B3GALT1: variants seen among roughly 807,000 people sequenced by gnomAD.
B3GALT1 encodes beta-1,3-galactosyltransferase 1, also known as UDP-Gal:betaGlcNAc beta 1,3-galactosyltransferase, polypeptide 1.
Under a neutral mutation model 23.2 loss-of-function variants are expected in B3GALT1, and 10 were observed. The observed-to-expected ratio is 0.43, with a 90% CI of 0.27 to 0.73. The LOEUF (loss-of-function observed/expected upper bound fraction) is 0.73, where lower values mean the gene tolerates loss of function less well. Among genes scored for constraint, B3GALT1 ranks in the 30% least tolerant of loss-of-function variants. B3GALT1 has a pLI of 0.21. For missense variants in B3GALT1, 299 were observed against 405.4 expected (o/e 0.74, Z 2.25); for synonymous variants, 156 against 141.5 (o/e 1.10, Z -0.73).
chr2:167,590,003 C>T (rs1024437622), intron 2 of B3GALT1, among the ~76,000 whole-genome samples: 4 of 152,020 alleles, frequency 2.6e-5, no homozygotes, highest in Admixed American at 2.0e-4. Flanking sequence ...CTTTGAAAAT[C>T]TTTTGTATTG....
intron 3 of B3GALT1, among the ~76,000 whole-genome samples, chr2:167,737,536 T>G (rs28561578): frequency 0.33 from 50,010 of 152,114 alleles, 8,589 homozygotes; most frequent in Non-Finnish European, 0.39. Flanking sequence ...GCAACTTAAA[T>G]GGTGAAGGGC....
intron 1 of B3GALT1, among the ~76,000 whole-genome samples, chr2:167,359,101 AG>A (rs1697460812): frequency 6.6e-6 from 1 of 152,168 alleles, no homozygotes; most frequent in Non-Finnish European, 1.5e-5. Flanking sequence ...CGCCTGGCCA[AG>A]CAAAAGTTAT....
At chr2:167,813,611 G>A (rs1298241118) in intron 3 of B3GALT1, among the ~76,000 whole-genome samples, 4 of 152,168 alleles carry the variant, frequency 2.6e-5, no homozygotes, top group African/African-American at 7.2e-5. Flanking sequence ...AGGATGTAGG[G>A]TGCAAAGCTG....
At chr2:167,861,816 A>G (rs932842669) in intron 4 of B3GALT1, among the ~76,000 whole-genome samples, 7 of 152,146 alleles carry the variant, frequency 4.6e-5, no homozygotes, top group Non-Finnish European at 1.0e-4. Context: ...TTCCAAATCT[A>G]CTTCATTTGT....
chr2:167,438,377 C>T (rs1261572833), intron 1 of B3GALT1, among the ~76,000 whole-genome samples: 1 of 152,192 alleles, frequency 6.6e-6, no homozygotes, highest in Admixed American at 6.5e-5. Context: ...GGAAGTGACT[C>T]ATGTCAGCTC....
chr2:167,339,609 T>C (rs1360570624), intron 1 of B3GALT1, among the ~76,000 whole-genome samples: 1 of 152,156 alleles, frequency 6.6e-6, no homozygotes, highest in Non-Finnish European at 1.5e-5. Flanking sequence ...GATGATACAT[T>C]GGTGTTTGAC....
At chr2:167,341,271 T>G (rs73017753) in intron 1 of B3GALT1, among the ~76,000 whole-genome samples, 2,507 of 152,214 alleles carry the variant, frequency 0.016, 58 homozygotes, top group East Asian at 0.083. Flanking sequence ...GAGATGTGAG[T>G]GTATTAAGAT....
At chr2:167,485,861 G>T (rs998104800) in intron 1 of B3GALT1, among the ~76,000 whole-genome samples, 14 of 152,134 alleles carry the variant, frequency 9.2e-5, no homozygotes, top group African/African-American at 3.4e-4. Flanking sequence ...AGTTATAGCT[G>T]CTTAAAATTT....
At chr2:167,516,507 A>G (rs1025481573) in intron 2 of B3GALT1, among the ~76,000 whole-genome samples, 17 of 152,136 alleles carry the variant, frequency 1.1e-4, no homozygotes, top group African/African-American at 3.9e-4. Flanking sequence ...TTCTAGCTCA[A>G]TAGTTAGTTG....
chr2:167,426,765 C>T (rs1038586423), intron 1 of B3GALT1, among the ~76,000 whole-genome samples: 1 of 152,066 alleles, frequency 6.6e-6, no homozygotes, highest in Non-Finnish European at 1.5e-5. Context: ...CATGCACTGC[C>T]GATAAGTGTA....
At chr2:167,529,496 C>G (rs142306640) in intron 2 of B3GALT1, among the ~76,000 whole-genome samples, 27 of 149,338 alleles carry the variant, frequency 1.8e-4, no homozygotes, top group Non-Finnish European at 3.6e-4. Context: ...GTCTGAGCTA[C>G]TGAAAGGCGG....
At chr2:167,568,613 A>G (rs764130195) in intron 2 of B3GALT1, among the ~76,000 whole-genome samples, 9 of 151,984 alleles carry the variant, frequency 5.9e-5, no homozygotes, top group Non-Finnish European at 8.8e-5. Flanking sequence ...TTTTTAATAT[A>G]TATTTTAGAT....
intron 3 of B3GALT1, among the ~76,000 whole-genome samples, chr2:167,721,044 A>ATC (rs774312004): frequency 1.2e-4 from 18 of 150,668 alleles, no homozygotes; most frequent in South Asian, 4.2e-4. Flanking sequence ...TCTCTCCCCC[A>ATC]TCTCTCTCTG....
intron 3 of B3GALT1, among the ~76,000 whole-genome samples, chr2:167,685,976 T>C (rs967054804): frequency 6.6e-6 from 1 of 152,234 alleles, no homozygotes; most frequent in Admixed American, 6.5e-5. Flanking sequence ...TTGGTTTGCT[T>C]TACTGAAAAC....
chr2:167,869,452 A>G lies in B3GALT1; in HGVS notation c.413A>G (p.His138Arg), dbSNP rs1200586056. The G allele has an allele frequency of 7.4e-6, 12 of 1,614,094 alleles. No individual in the cohort carries two copies. Among genetic ancestry groups the G allele is most frequent in the Non-Finnish European group, 7.6e-6 (9 of 1,180,016 alleles). Residue 138 changes from histidine (H) to arginine (R), a missense_variant, in exon 5 of 5, where the codon CAT (histidine) becomes CGT (arginine). His to Arg is a conservative substitution (Grantham distance 29). Around this residue, in one of 3 missense-constraint regions of B3GALT1, gnomAD observed 162 missense variants for 184.1 expected, o/e 0.88. Coordinates refer to ENST00000392690, the MANE Select transcript of B3GALT1 (RefSeq NM_020981.4). The surrounding 1 kb of genome is among the most constrained non-coding windows in gnomAD (Gnocchi z 6.4). ...QMVEQESQIF[H>R]DIIVEDFIDS... is the part of the protein sequence containing the mutation. ...GTGGAGCAAGAGAGCCAAATCTTCCATGATATCATCGTGGAGGACTTTATT... is the reference window on the plus strand; with the variant it reads ...GTGGAGCAAGAGAGCCAAATCTTCCGTGATATCATCGTGGAGGACTTTATT...
rs920259312 is a variant in B3GALT1 at position 167,340,987 on chromosome 2, C to T, written c.-511+47653C>T. Among the ~76,000 whole-genome samples, 23 of 152,136 alleles carry T rather than the reference C, an allele frequency of 1.5e-4. 1 individual carries two copies. Among genetic ancestry groups the T allele is most frequent in the Admixed American group, 1.3e-3 (20 of 15,272 alleles). On this transcript the variant is annotated intron_variant, in intron 1 of 4. Coordinates refer to ENST00000392690, the MANE Select transcript of B3GALT1 (RefSeq NM_020981.4). ...GATGGAAAACTGCAACTCAAAACAA[C>T]AAAATAAATAAAACAATAAAATCAA...
intron 2 of B3GALT1, among the ~76,000 whole-genome samples, chr2:167,642,182 A>G (rs1685664274): frequency 6.6e-6 from 1 of 152,108 alleles, no homozygotes; most frequent in Non-Finnish European, 1.5e-5. Flanking sequence ...ACAGTTTTCA[A>G]CTACTCCCTG....
intron 1 of B3GALT1, among the ~76,000 whole-genome samples, chr2:167,464,358 A>C: frequency 6.6e-6 from 1 of 152,214 alleles, no homozygotes; most frequent in East Asian, 1.9e-4. Context: ...AATTGAGTTT[A>C]CCCTATTTTA....
intron 2 of B3GALT1, among the ~76,000 whole-genome samples, chr2:167,607,740 T>C (rs773494273): frequency 1.3e-5 from 2 of 152,322 alleles, no homozygotes; most frequent in African/African-American, 4.8e-5. Flanking sequence ...GAATTTTTAG[T>C]GTGGGCTCCT....
Sources: gnomAD v4.1 joint callset for allele counts (sites outside exome capture counted in the v4.1 genomes callset) on GRCh38, gnomAD v4.1.1 for gene constraint, gnomAD v4.1.1 regional missense constraint, Gnocchi (gnomAD v3.1) non-coding constraint, MANE v1.5 for transcripts, NCBI Gene and HGNC (gene_info 2026-07-23, HGNC 2026-07-21) for gene names.